The following EIF2AK4 variants were observed in gnomAD, a reference collection of about 807,000 sequenced individuals.
EIF2AK4 encodes eukaryotic translation initiation factor 2 alpha kinase 4.
EIF2AK4 carries 139 observed loss-of-function variants against 211.1 expected under a neutral mutation model. The observed-to-expected ratio is 0.66, with a 90% CI of 0.57 to 0.76. The LOEUF (loss-of-function observed/expected upper bound fraction) is 0.76. EIF2AK4 is among the 30% of genes least tolerant of loss of function. The probability of loss-of-function intolerance (pLI) is 0.00; values close to 1 mark genes in which losing one functional copy is unlikely to be tolerated. For synonymous variants in EIF2AK4, 710 were observed against 751.3 expected (o/e 0.94, Z 0.90); for missense variants, 1,664 against 2,043.8 (o/e 0.81, Z 3.58).
intron 21 of EIF2AK4, among the ~76,000 whole-genome samples, chr15:40,001,633 CAAAAAA>C (rs11383908): frequency 2.5e-5 from 3 of 120,326 alleles, no homozygotes; most frequent in Admixed American, 9.4e-5. Flanking sequence ...GACCCCAACT[CAAAAAA>C]AAAAAAAAAA....
intron 3 of EIF2AK4, among the ~76,000 whole-genome samples, chr15:39,947,619 A>G (rs746361342): frequency 1.3e-5 from 2 of 152,260 alleles, no homozygotes; most frequent in Admixed American, 6.5e-5. Context: ...GGGAACAGAC[A>G]GAAAGCAATC....
At chr15:39,948,891 G>A (rs1056141726) in intron 3 of EIF2AK4, among the ~76,000 whole-genome samples, 7 of 152,316 alleles carry the variant, frequency 4.6e-5, no homozygotes, top group Admixed American at 3.3e-4. Context: ...TATTTACCTA[G>A]GTAATGATCT....
intron 25 of EIF2AK4, 149 bp from the exon 26 acceptor site, chr15:40,009,465 G>A (rs1425460054): frequency 6.9e-6 from 4 of 575,632 alleles, no homozygotes; most frequent in African/African-American, 3.8e-5. Context: ...CAAAAAGAAT[G>A]TATGAAAAAA....
Position 40,008,104 on chromosome 15 carries a change from A to T in EIF2AK4, c.3485A>T (p.Asp1162Val). ...HPKELLECAF[D>V]IVTSTTNSFL... ...AAAGAACTTCTGGAGTGTGCATTTG[A>T]TATTGTCACTTCTACCACCAACAGC... The change falls in exon 25 of 39, where the codon GAT becomes GTT. Residue 1162 changes from aspartate (D) to valine (V), a missense_variant. Physicochemically the swap from Asp to Val is radical, Grantham distance 152. This residue lies in a region of EIF2AK4 where 622 missense variants were observed against 796.8 expected (regional missense o/e 0.78). Transcript: ENST00000263791. The T allele has an allele frequency of 1.2e-6, 2 of 1,613,184 alleles. No individual in the cohort carries two copies. Among genetic ancestry groups the T allele is most frequent in the Non-Finnish European group, 1.7e-6 (2 of 1,179,636 alleles).
chr15:39,993,030 GTCCA>G (rs1199022740), intron 18 of EIF2AK4, among the ~76,000 whole-genome samples, 182 bp downstream of exon 18: 3,341 of 146,628 alleles, frequency 0.023, 92 homozygotes, highest in Admixed American at 0.057. Flanking sequence ...GGAGCTTACA[GTCCA>G]TCCATCCATC....
At chr15:39,989,997 G>A (rs910893317) in intron 15 of EIF2AK4, among the ~76,000 whole-genome samples, 7 of 152,184 alleles carry the variant, frequency 4.6e-5, no homozygotes, top group Non-Finnish European at 1.0e-4. Flanking sequence ...GCAGAGGTAA[G>A]GGTAACTTGG....
At chr15:40,029,374 T>A in intron 33 of EIF2AK4, 32 bp from the exon 34 acceptor site, 1 of 1,610,752 alleles carries the variant, frequency 6.2e-7, no homozygotes, top group South Asian at 1.1e-5. Flanking sequence ...TTATTGACTG[T>A]TCTTTAATTG....
intron 6 of EIF2AK4, 124 bp from the exon 7 acceptor site, chr15:39,961,660 G>A: frequency 1.4e-6 from 1 of 706,178 alleles, no homozygotes; most frequent in African/African-American, 1.8e-5. Flanking sequence ...CTAATAAACA[G>A]TAATAAACGG....
In EIF2AK4 at chr15:40,002,562, T is replaced by C; in HGVS notation, c.3160-151T>C. ...CATGAAAGATATGTGTCCTCTTCCC[T>C]GATGTGTTCAAAGAGGGATGGACTT... On this transcript the variant is annotated intron_variant, in intron 21 of 38. Coordinates refer to ENST00000263791, the MANE Select transcript of EIF2AK4 (RefSeq NM_001013703.4). The C allele has an allele frequency of 4.1e-6, 3 of 735,612 alleles. No homozygotes were observed. In the South Asian group the frequency reaches 5.1e-5, roughly 13 times the overall value. The allele number at this position is 735,612 out of a possible 1,614,324, so 45.6% of individuals were successfully genotyped here.
intron 9 of EIF2AK4, among the ~76,000 whole-genome samples, chr15:39,969,356 C>CTTTTTTTTT (rs10550245): frequency 5.9e-5 from 6 of 101,304 alleles, no homozygotes; most frequent in Non-Finnish European, 9.5e-5. Flanking sequence ...ATTTCTTATT[C>CTTTTTTTTT]TTTTTTTTTT....
At chr15:39,936,360 CTTA>C (rs2034064137) in intron 1 of EIF2AK4, among the ~76,000 whole-genome samples, 1 of 152,200 alleles carries the variant, frequency 6.6e-6, no homozygotes, top group South Asian at 2.1e-4. Context: ...TCAACAAGCA[CTTA>C]TTATCACCTG....
intron 1 of EIF2AK4, among the ~76,000 whole-genome samples, chr15:39,937,800 G>A (rs1224770563): frequency 6.6e-6 from 1 of 151,998 alleles, no homozygotes; most frequent in Non-Finnish European, 1.5e-5. Context: ...CTCCAGCTAG[G>A]CAGCTAGACA....
At chr15:39,938,815 G>A (rs1316699497) in intron 1 of EIF2AK4, among the ~76,000 whole-genome samples, 1 of 152,054 alleles carries the variant, frequency 6.6e-6, no homozygotes, top group African/African-American at 2.4e-5. Flanking sequence ...CCATGGGAGC[G>A]CTCAGCCATT....
At chr15:40,030,257 C>A in intron 34 of EIF2AK4, 102 bp from the exon 35 acceptor site, 1 of 1,170,544 alleles carries the variant, frequency 8.5e-7, no homozygotes, top group Non-Finnish European at 1.2e-6. Flanking sequence ...CCCTTAGAAT[C>A]ACGACAGGAT....
chr15:40,029,278 CAATAACCAAG>C lies in EIF2AK4; in HGVS notation c.4503-125_4503-116del, dbSNP rs1365679285. ...AAATTTTTTGTTTTTGTTTTTCCAC[CAATAACCAAG>C]AAGATGTTTTTATATTTAATGGAAA... On this transcript the variant is annotated intron_variant, in intron 33 of 38. Transcript: ENST00000263791. The C allele has an allele frequency of 1.9e-5, 26 of 1,381,018 alleles. 1 individual carries two copies. In the African/African-American group the frequency reaches 3.7e-4, roughly 20 times the overall value. 85.5% of individuals were successfully genotyped at this position (1,381,018 alleles called of 1,614,324 possible).
At chr15:39,944,825 A>T (rs762354117) in intron 3 of EIF2AK4, among the ~76,000 whole-genome samples, 4 of 152,206 alleles carry the variant, frequency 2.6e-5, no homozygotes, top group Non-Finnish European at 5.9e-5. Context: ...ATAACCATTC[A>T]TCTCATGGAA....
chr15:39,967,875 A>G lies in EIF2AK4; in HGVS notation c.1549A>G (p.Lys517Glu), dbSNP rs1566988981. The change falls in exon 9 of 39, where the codon AAG (lysine) becomes GAG (glutamate). Residue 517 changes from lysine to glutamate, a missense_variant. Coordinates refer to ENST00000263791, the MANE Select transcript of EIF2AK4 (RefSeq NM_001013703.4). ...ACCAGCTGACTTTCAAGATTTTCTA[A>G]AGAAGTGAGTATCACTGAGATTCTC... is the stretch of plus-strand genomic sequence containing the variant. Reference protein sequence around the residue: ...DLPADFQDFLKKCVCLDDKER... With the variant: ...DLPADFQDFLEKCVCLDDKER... The G allele has an allele frequency of 6.2e-7, 1 of 1,613,588 alleles. No individual in the cohort carries two copies. Among genetic ancestry groups the G allele is most frequent in the African/African-American group, 1.3e-5 (1 of 75,006 alleles).
chr15:39,992,961 A>T, intron 18 of EIF2AK4, 113 bp downstream of exon 18: 1 of 1,006,046 alleles, frequency 9.9e-7, no homozygotes, highest in Non-Finnish European at 1.5e-6. Flanking sequence ...ACTCATTCAC[A>T]CTCCAGGAAG....
intron 7 of EIF2AK4, among the ~76,000 whole-genome samples, chr15:39,963,419 A>T (rs1846585383): frequency 6.6e-6 from 1 of 152,196 alleles, no homozygotes; most frequent in Non-Finnish European, 1.5e-5. Flanking sequence ...CCTTATTAGG[A>T]GGCACATTTT....
Sources: allele counts gnomAD v4.1 joint callset (sites outside exome capture counted in the v4.1 genomes callset), GRCh38; gene constraint gnomAD v4.1.1; regional missense constraint gnomAD v4.1.1; transcripts MANE v1.5; gene names NCBI Gene and HGNC (gene_info 2026-07-23, HGNC 2026-07-21).